The following ALDH3B2 variants were observed in gnomAD, a reference collection of about 807,000 sequenced individuals.
The protein encoded by ALDH3B2 is aldehyde dehydrogenase family 3 member B2.
In ALDH3B2, 45 loss-of-function variants were observed where a neutral mutation model predicts 36.7. That is an observed-to-expected ratio of 1.23 (90% CI 0.97 to 1.57). ALDH3B2 has a LOEUF of 1.57. ALDH3B2 is among the 40% of genes most tolerant of loss of function. The probability of loss-of-function intolerance (pLI) is 0.00; values close to 1 mark genes in which losing one functional copy is unlikely to be tolerated. For synonymous variants in ALDH3B2, 217 were observed against 226.5 expected, an observed-to-expected ratio of 0.96 and a Z score of 0.38; for missense variants, 464 against 513.3, an observed-to-expected ratio of 0.90 and a Z score of 0.93.
rs562309116 is a variant in ALDH3B2, at chr11:67,665,166, C to T, written c.706+119G>A. 222 of 1,491,000 alleles carry T rather than the reference C, an allele frequency of 1.5e-4. 5 individuals are homozygous for T. In the South Asian group the frequency reaches 2.0e-3, roughly 14 times the overall value. 92.4% of individuals were successfully genotyped at this position (1,491,000 alleles called of 1,614,324 possible). ...TGGCACCAGAGCCATGGCTCAAGGC[C>T]GGGCTCTGATAGTGGGGCCGGGTTT... is the stretch of plus-strand genomic sequence containing the variant. On this transcript the variant is annotated intron_variant, in intron 7 of 9. Transcript: ENST00000349015.
At chr11:67,677,577 C>T (rs1856294401), upstream of ALDH3B2, among the ~76,000 whole-genome samples, 1 of 152,122 alleles carries the variant, frequency 6.6e-6, no homozygotes, top group South Asian at 2.1e-4. Flanking sequence ...CACTCCTCTT[C>T]AACATATTAC....
intron 1 of ALDH3B2, chr11:67,668,037 C>CCCAG (rs1855969336): frequency 1.3e-5 from 2 of 152,928 alleles, no homozygotes; most frequent in African/African-American, 2.4e-5. Flanking sequence ...CACCCCTACA[C>CCCAG]CCAGACCACT....
At chr11:67,680,279 A>G (rs1385419264) in intron 1 of ALDH3B2, among the ~76,000 whole-genome samples, 1 of 152,024 alleles carries the variant, frequency 6.6e-6, no homozygotes, top group African/African-American at 2.4e-5. Context: ...GCACTACCAC[A>G]CTCCAGCCTG....
intron 1 of ALDH3B2, among the ~76,000 whole-genome samples, chr11:67,672,035 T>A (rs1856129262): frequency 9.8e-6 from 1 of 101,850 alleles, no homozygotes; most frequent in Non-Finnish European, 1.9e-5. Context: ...ATGGAACCGA[T>A]GTACTTCATA....
chr11:67,672,923 CT>C (rs1856168145), intron 1 of ALDH3B2, among the ~76,000 whole-genome samples: 2 of 146,628 alleles, frequency 1.4e-5, no homozygotes, highest in Admixed American at 1.4e-4. Flanking sequence ...CTTTTCTTTT[CT>C]TTTCTTTTCT....
At chr11:67,665,717 A>G in intron 6 of ALDH3B2, 46 bp from the exon 7 acceptor site, 1 of 1,565,220 alleles carries the variant, frequency 6.4e-7, no homozygotes, top group Non-Finnish European at 8.7e-7. Context: ...GACCTGGACC[A>G]GGCAGGATGG....
intron 4 of ALDH3B2, 58 bp from the exon 5 acceptor site, chr11:67,666,459 G>C (rs1855916145): frequency 6.2e-7 from 1 of 1,602,418 alleles, no homozygotes; most frequent in African/African-American, 1.3e-5. Flanking sequence ...GCCCAACCAG[G>C]GGCTGGGCTC....
At chr11:67,666,077 A>T in intron 6 of ALDH3B2, 45 bp downstream of exon 6, 5 of 1,458,490 alleles carry the variant, frequency 3.4e-6, no homozygotes, top group Non-Finnish European at 4.8e-6. Flanking sequence ...CTCTCTCCTG[A>T]TGATCCCCTC....
At chr11:67,675,376 C>T (rs1447069069), upstream of ALDH3B2, among the ~76,000 whole-genome samples, 4 of 152,166 alleles carry the variant, frequency 2.6e-5, no homozygotes, top group African/African-American at 9.7e-5. Context: ...TCAATGTTGC[C>T]CGCTAATGTT....
At chr11:67,666,873 C>G in intron 3 of ALDH3B2, 33 bp downstream of exon 3, 1 of 1,614,132 alleles carries the variant, frequency 6.2e-7, no homozygotes, top group Non-Finnish European at 8.5e-7. Flanking sequence ...GGTGCCCTGC[C>G]CTGCCCTCCT....
At position 67,666,232 on chromosome 11, in the gene ALDH3B2, G is replaced by A. The variant is rs200089233; in HGVS notation, c.238-29C>T. ...CAAGGTGGAATGAGAGGCTCGGGGCGGGCTCGGGGCCAGCCGGGCCTCCTC... is the reference window on the plus strand; with the variant it reads ...CAAGGTGGAATGAGAGGCTCGGGGCAGGCTCGGGGCCAGCCGGGCCTCCTC... On this transcript the variant is annotated intron_variant, in intron 5 of 9. Coordinates refer to ENST00000349015, the Ensembl canonical transcript of ALDH3B2. 6.7e-4 allele frequency: 997 copies of A among 1,499,192 alleles called. 1 individual carries two copies. The highest frequency in any genetic ancestry group is 8.3e-4 in the Non-Finnish European group (935 of 1,124,510). 92.9% of individuals were successfully genotyped at this position (1,499,192 alleles called of 1,614,324 possible).
chr11:67,663,348 G>A, exon 10 of ALDH3B2: 1 of 1,614,100 alleles, frequency 6.2e-7, no homozygotes, highest in Non-Finnish European at 8.5e-7. Flanking sequence ...GCGGTGGTGG[G>A]AGAAGGTGTC....
chr11:67,666,610 G>A (rs372646847), exon 4 of ALDH3B2: 2 of 1,614,164 alleles, frequency 1.2e-6, no homozygotes, highest in East Asian at 4.5e-5. Context: ...ACCAGGGTCA[G>A]GTTCAGTGGG....
chr11:67,664,052 G>A (rs1010328734), intron 8 of ALDH3B2, among the ~76,000 whole-genome samples: 4 of 152,126 alleles, frequency 2.6e-5, no homozygotes, highest in African/African-American at 7.2e-5. Context: ...TGTGGTATGC[G>A]GGCCCCACCG....
chr11:67,670,900 G>C (rs1442465531), intron 1 of ALDH3B2, among the ~76,000 whole-genome samples: 1 of 152,230 alleles, frequency 6.6e-6, no homozygotes, highest in Non-Finnish European at 1.5e-5. Context: ...GCTAGAACCT[G>C]GGTGGGGCCT....
upstream of ALDH3B2, among the ~76,000 whole-genome samples, chr11:67,675,161 G>A (rs1160092875): frequency 6.6e-6 from 1 of 152,184 alleles, no homozygotes; most frequent in East Asian, 1.9e-4. Context: ...GACCCTTGAT[G>A]GGCGACGGCA....
upstream of ALDH3B2, among the ~76,000 whole-genome samples, chr11:67,674,960 C>G (rs1856233821): frequency 6.6e-6 from 1 of 152,184 alleles, no homozygotes; most frequent in Admixed American, 6.5e-5. Flanking sequence ...TCCCAGGCCC[C>G]AGCCACAGTG....
Position 67,668,735 on chromosome 11 carries a change from GTGTC to G in ALDH3B2, c.-244-1104_-244-1101del, listed in dbSNP as rs538748596. Among the ~76,000 whole-genome samples the G allele has an allele frequency of 1.8e-3, 257 of 146,476 alleles. 4 individuals carry two copies. Among genetic ancestry groups the G allele is most frequent in the Middle Eastern group, 7.2e-3 (2 of 276 alleles). On this transcript the variant is annotated intron_variant, in intron 1 of 9. Transcript: ENST00000349015. ...TCTTTGTGTGTATGGGTGTCTGTGT[GTGTC>G]TGTGTATGTATGGGTGCTGTGTGTC...
chr11:67,663,377 G>A (rs1294374360), exon 10 of ALDH3B2: 3 of 1,613,112 alleles, frequency 1.9e-6, no homozygotes, highest in South Asian at 2.2e-5. Context: ...ACTTGCCGTG[G>A]TACCGGCCCA....
Sources: allele counts gnomAD v4.1 joint callset (sites outside exome capture counted in the v4.1 genomes callset), GRCh38; gene constraint gnomAD v4.1.1; transcripts MANE v1.5; gene names NCBI Gene and HGNC (gene_info 2026-07-23, HGNC 2026-07-21).